Variants in BOD1L1 observed in about 807,000 individuals in gnomAD.
The protein encoded by BOD1L1 is biorientation of chromosomes in cell division 1 like 1.
A neutral mutation model predicts 240.7 loss-of-function variants in BOD1L1; 86 were observed. The ratio of observed to expected loss-of-function variants is 0.36; its 90% CI spans 0.30 to 0.43. BOD1L1 has a LOEUF of 0.43. BOD1L1 is among the 20% of genes least tolerant of loss of function. The probability of loss-of-function intolerance (pLI) is 1.00; values close to 1 mark genes in which losing one functional copy is unlikely to be tolerated. For synonymous variants in BOD1L1, 1,268 were observed against 1,272.3 expected (o/e 1.00, Z 0.07); for missense variants, 3,554 against 3,643.5 (o/e 0.98, Z 0.63).
rs769664072 is a variant in BOD1L1 at position 13,603,386 on chromosome 4, C to T, written c.3514G>A (p.Ala1172Thr). 7 of 1,613,848 alleles carry T rather than the reference C, an allele frequency of 4.3e-6. No individual in the cohort carries two copies. The highest frequency in any genetic ancestry group is 5.1e-6 in the Non-Finnish European group (6 of 1,179,894). Reference protein sequence around the residue: ...VQKDELRTCTADSKATAPAYK... With the variant: ...VQKDELRTCTTDSKATAPAYK... ...GCTGGAGCTGTTGCTTTTGAATCTG[C>T]TGTGCAAGTTCTCAATTCATCCTTT... Residue 1172 changes from alanine (A) to threonine (T), a missense_variant, in exon 10 of 26, where the codon GCA (alanine) becomes ACA (threonine). Physicochemically the swap from Ala to Thr is moderately conservative, Grantham distance 58. This residue lies in a region of BOD1L1 where 3,393 missense variants were observed against 3,427.1 expected (regional missense o/e 0.99). Coordinates refer to ENST00000040738, the MANE Select transcript of BOD1L1 (RefSeq NM_148894.3).
intron 19 of BOD1L1, 135 bp from the exon 20 acceptor site, chr4:13,581,342 T>C (rs1296163326): frequency 3.2e-6 from 2 of 627,790 alleles, no homozygotes; most frequent in Non-Finnish European, 5.4e-6. Context: ...ACTTTAAAAA[T>C]ATGTGATGTA....
Position 13,602,369 on chromosome 4 carries a change from T to C in BOD1L1, c.4531A>G (p.Arg1511Gly). The change falls in exon 10 of 26, where the codon AGA becomes GGA. Residue 1511 changes from arginine to glycine, a missense_variant. Physicochemically the swap from Arg to Gly is moderately radical, Grantham distance 125. Coordinates refer to ENST00000040738, the MANE Select transcript of BOD1L1 (RefSeq NM_148894.3). ...QTEDVATGPR[R>G]AEKTSVATST... The stretch of plus-strand genomic sequence containing the variant: ...GTGGCAACAGAAGTCTTTTCTGCTC[T>C]CCTAGGCCCAGTTGCCACATCCTCA... 6.2e-7 allele frequency: 1 copy of C among 1,613,946 alleles called. No homozygotes were observed. The highest frequency in any genetic ancestry group is 1.3e-5 in the African/African-American group (1 of 75,036).
Position 13,577,005 on chromosome 4 carries a change from A to C in BOD1L1, c.8885-14T>G. 1 of 1,612,988 alleles carries C rather than the reference A, an allele frequency of 6.2e-7. No individual in the cohort carries two copies. Among genetic ancestry groups the C allele is most frequent in the Non-Finnish European group, 8.5e-7 (1 of 1,179,442 alleles). On this transcript the variant is annotated splice_polypyrimidine_tract_variant and intron_variant, in intron 24 of 25. Transcript: ENST00000040738. ...GCTCTGAGGATTCTGTTCAAATAGA[A>C]GGGTAACACCTGGATTTTACAATTC... is the stretch of plus-strand genomic sequence containing the variant.
chr4:13,574,913 GTTTTTTTTTGT>G (rs1267278371), intron 25 of BOD1L1, among the ~76,000 whole-genome samples: 16 of 38,204 alleles, frequency 4.2e-4, no homozygotes, highest in East Asian at 0.022. Flanking sequence ...TTAAGTTTTT[GTTTTTTTTTGT>G]TTTTTTTTTT....
At position 13,603,444 on chromosome 4, in the gene BOD1L1, T is replaced by C. The variant is rs558913980; in HGVS notation, c.3456A>G (p.Glu1152=). 129 of 1,613,658 alleles carry C rather than the reference T, an allele frequency of 8.0e-5. 1 individual carries two copies. In the South Asian group the frequency reaches 1.3e-3, roughly 16 times the overall value. ...NNNSQQDIDS[E]NMKQKTSATV... ...TGGCAGAAGTTTTTTGTTTCATATT[T>C]TCAGAGTCAATGTCTTGCTGAGAAT... Residue 1152 remains glutamate, a synonymous_variant, in exon 10 of 26, where the codon GAA becomes GAG. Coordinates refer to ENST00000040738, the MANE Select transcript of BOD1L1 (RefSeq NM_148894.3).
chr4:13,575,106 A>G (rs1172849497), intron 25 of BOD1L1, among the ~76,000 whole-genome samples: 1 of 151,934 alleles, frequency 6.6e-6, no homozygotes, highest in Non-Finnish European at 1.5e-5. Flanking sequence ...TTTTTAGTAG[A>G]GATGGGGTTT....
In BOD1L1 at chr4:13,586,463, T is replaced by A. The variant is rs1386120366; in HGVS notation, c.8366A>T (p.Asp2789Val). ...TGTTTCTATTCTGGAATCCAGGACATCTGGATTATCATCTGTAAATCAGTT... is the reference window on the plus strand; with the variant it reads ...TGTTTCTATTCTGGAATCCAGGACAACTGGATTATCATCTGTAAATCAGTT... ...SSEDEPDDNP[D>V]VLDSRIETAQ... The change falls in exon 17 of 26, where the codon GAT (aspartate) becomes GTT (valine). Residue 2789 changes from aspartate to valine, a missense_variant. Physicochemically the swap from Asp to Val is radical, Grantham distance 152 (BLOSUM62 -3). Coordinates refer to ENST00000040738, the MANE Select transcript of BOD1L1 (RefSeq NM_148894.3). 6.2e-7 allele frequency: 1 copy of A among 1,605,862 alleles called. No homozygotes were observed. The highest frequency in any genetic ancestry group is 8.5e-7 in the Non-Finnish European group (1 of 1,173,582).
In BOD1L1 at chr4:13,601,708, C is replaced by T; in HGVS notation, c.5192G>A (p.Gly1731Glu). The change falls in exon 10 of 26, where the codon GGA becomes GAA. Residue 1731 changes from glycine (G) to glutamate (E), a missense_variant. This residue lies in a region of BOD1L1 where 3,393 missense variants were observed against 3,427.1 expected (regional missense o/e 0.99). Transcript: ENST00000040738. ...AAAGTTATCACTTCTGCCTTCTGCTCCTGTACATGTCACAGTGCCCTCTGT... is the reference window on the plus strand; with the variant it reads ...AAAGTTATCACTTCTGCCTTCTGCTTCTGTACATGTCACAGTGCCCTCTGT... ...KETEGTVTCT[G>E]AEGRSDNFVI... The T allele has an allele frequency of 6.2e-7, 1 of 1,614,016 alleles. No individual in the cohort carries two copies. The highest frequency in any genetic ancestry group is 8.5e-7 in the Non-Finnish European group (1 of 1,179,892).
rs1322175905 is a variant in BOD1L1 at position 13,610,959 on chromosome 4, G to A, written c.1466C>T (p.Thr489Ile). ...KYYSDSDDEL[T>I]VEQRRQSIAK... ...AATGGACTGTCGTCGTTGTTCTACA[G>A]TAAGCTCATCATCAGAATCACTATA... The change falls in exon 6 of 26, where the codon ACT becomes ATT. Residue 489 changes from threonine to isoleucine, a missense_variant. Physicochemically the swap from Thr to Ile is moderately conservative, Grantham distance 89. Transcript: ENST00000040738. The A allele has an allele frequency of 1.2e-6, 2 of 1,610,028 alleles. No individual in the cohort carries two copies. The highest frequency in any genetic ancestry group is 1.7e-6 in the Non-Finnish European group (2 of 1,178,656).
chr4:13,604,416 C>G lies in BOD1L1; in HGVS notation c.2484G>C (p.Glu828Asp). The change falls in exon 10 of 26, where the codon GAG becomes GAC. Residue 828 changes from glutamate to aspartate, a missense_variant. Physicochemically the swap from Glu to Asp is conservative, Grantham distance 45. Transcript: ENST00000040738. ...TAGTTTTTTCAGCTGACAAGCGTCT[C>G]TCTTTTTTGTTGTTTTCTTTACGAA... ...ENVRKENNKK[E>D]RRLSAEKTKA... 1.9e-6 allele frequency: 3 copies of G among 1,573,586 alleles called. No homozygotes were observed. The highest frequency in any genetic ancestry group is 2.6e-6 in the Non-Finnish European group (3 of 1,169,562).
In BOD1L1 at chr4:13,619,963, G is replaced by T. The variant is rs368418760; in HGVS notation, c.348C>A (p.Asn116Lys). The change falls in exon 2 of 26, where the codon AAC becomes AAA. Residue 116 changes from asparagine to lysine, a missense_variant. This residue lies in a region of BOD1L1 where 161 missense variants were observed against 216.4 expected (regional missense o/e 0.74). Transcript: ENST00000040738. ...PHLNKNQLRN[N>K]IRQQVLKSGM... ...CTTACTTGAGGACTTGTTGTCTAAT[G>T]TTGTTTCTTAGCTGGTTCTTATTGA... The T allele has an allele frequency of 6.2e-7, 1 of 1,613,164 alleles. No individual in the cohort carries two copies. Among genetic ancestry groups the T allele is most frequent in the Admixed American group, 1.7e-5 (1 of 59,932 alleles).
At position 13,602,414 on chromosome 4, in the gene BOD1L1, G is replaced by A. The variant is rs1367279386; in HGVS notation, c.4486C>T (p.His1496Tyr). 1.9e-6 allele frequency: 3 copies of A among 1,613,988 alleles called. No homozygotes were observed. The highest frequency in any genetic ancestry group is 2.2e-5 in the South Asian group (2 of 91,070). ...TCCTCAGTTTGTCCGTTCCTTTGGTGTAAAACAGAGGGTGCAGAGCCACTT... is the reference window on the plus strand; with the variant it reads ...TCCTCAGTTTGTCCGTTCCTTTGGTATAAAACAGAGGGTGCAGAGCCACTT... The part of the protein sequence containing the change: ...AGSGSAPSVL[H>Y]QRNGQTEDVA... Residue 1496 changes from histidine to tyrosine, a missense_variant, in exon 10 of 26, where the codon CAC (histidine) becomes TAC (tyrosine). Transcript: ENST00000040738.
At chr4:13,579,369 A>C (rs1472484102) in intron 22 of BOD1L1, among the ~76,000 whole-genome samples, 1 of 152,248 alleles carries the variant, frequency 6.6e-6, no homozygotes, top group Non-Finnish European at 1.5e-5. Flanking sequence ...ACAAGAAAAA[A>C]TGAAGTACGA....
At chr4:13,587,126 C>T (rs1263289309) in intron 16 of BOD1L1, among the ~76,000 whole-genome samples, 6 of 152,194 alleles carry the variant, frequency 3.9e-5, no homozygotes, top group Admixed American at 1.3e-4. Context: ...ATGATAGTCA[C>T]TAACCACATC....
rs781492701 is a variant in BOD1L1, at chr4:13,603,309, G to A, written c.3591C>T (p.Ala1197=). The A allele has an allele frequency of 2.0e-5, 32 of 1,613,698 alleles. No homozygotes were observed. The highest frequency in any genetic ancestry group is 5.3e-5 in the African/African-American group (4 of 74,858). The part of the protein sequence containing the change: ...TGVNSNSEKH[A]DHRSTLTKKM... ...TCTTGGTCAAGGTGCTTCTATGATC[G>A]GCATGCTTTTCAGAATTACTATTAA... The change falls in exon 10 of 26, where the codon GCC becomes GCT. Residue 1197 remains alanine (A), a synonymous_variant. Transcript: ENST00000040738.
rs1254245626 is a variant in BOD1L1 at position 13,569,801 on chromosome 4, T to G, written c.*210A>C. 1.4e-5 allele frequency: 5 copies of G among 359,760 alleles called. No homozygotes were observed. Among genetic ancestry groups the G allele is most frequent in the African/African-American group, 2.1e-5 (1 of 47,600 alleles). 22.3% of individuals were successfully genotyped at this position (359,760 alleles called of 1,614,324 possible). A position where few individuals can be genotyped will look rare whatever the true frequency, so the allele number is the denominator to read the frequency against. On this transcript the variant is annotated 3_prime_UTR_variant, in exon 26 of 26. Transcript: ENST00000040738. ...GAGTTCAGATACAAAGTAAACTTAT[T>G]GTCCTTTATCTGAAATAAATGTACA...
intron 25 of BOD1L1, 44 bp from the exon 26 acceptor site, chr4:13,570,172 CT>C (rs1477119121): frequency 7.2e-7 from 1 of 1,380,138 alleles, no homozygotes. Flanking sequence ...TTAAAAGCAG[CT>C]GCTTCAAATA....
chr4:13,615,998 C>T (rs1170840880), intron 2 of BOD1L1, among the ~76,000 whole-genome samples: 1 of 152,072 alleles, frequency 6.6e-6, no homozygotes, highest in South Asian at 2.1e-4. Flanking sequence ...CATCAAATTG[C>T]AAAATCAAAG....
Position 13,602,505 on chromosome 4 carries a change from T to C in BOD1L1, c.4395A>G (p.Lys1465=). Residue 1465 remains lysine, a synonymous_variant, in exon 10 of 26, where the codon AAA becomes AAG. Transcript: ENST00000040738. ...CAACATCAATTGATATGTCTTTTAC[T>C]TTACCTGGGCTTCTTTTATGCTTAA... The part of the protein sequence containing the change: ...VKLKHKRSPG[K]VKDISIDVER... 5.0e-6 allele frequency: 8 copies of C among 1,614,008 alleles called. No homozygotes were observed. The highest frequency in any genetic ancestry group is 6.8e-6 in the Non-Finnish European group (8 of 1,179,880).
Sources: gnomAD v4.1 joint callset for allele counts (sites outside exome capture counted in the v4.1 genomes callset) on GRCh38, gnomAD v4.1.1 for gene constraint, gnomAD v4.1.1 regional missense constraint, MANE v1.5 for transcripts, NCBI Gene and HGNC (gene_info 2026-07-23, HGNC 2026-07-21) for gene names.